The following CPED1 variants were observed in gnomAD, a reference collection of about 807,000 sequenced individuals.
The protein encoded by CPED1 is cadherin-like and PC-esterase domain-containing protein 1.
In CPED1, 114 loss-of-function variants were observed where a neutral mutation model predicts 128.2. The observed-to-expected ratio is 0.89, with a 90% CI of 0.76 to 1.04. The LOEUF (loss-of-function observed/expected upper bound fraction) is 1.04, where lower values mean the gene tolerates loss of function less well. Among genes scored for constraint, CPED1 ranks in the 50% least tolerant of loss-of-function variants. The pLI, the probability that CPED1 is intolerant of heterozygous loss-of-function variation, is 0.00. For synonymous variants in CPED1, 462 were observed against 426.7 expected (o/e 1.08, Z -1.02); for missense variants, 1,211 against 1,207.1 (o/e 1.00, Z -0.05).
chr7:121,089,810 A>G (rs1033716649), intron 5 of CPED1, among the ~76,000 whole-genome samples: 5 of 152,182 alleles, frequency 3.3e-5, no homozygotes, highest in Non-Finnish European at 7.3e-5. Flanking sequence ...ATGCTCATTA[A>G]TTTATACTAA....
At chr7:121,126,028 C>A in intron 9 of CPED1, 136 bp downstream of exon 9, 1 of 636,910 alleles carries the variant, frequency 1.6e-6, no homozygotes. Context: ...GGCTTATATT[C>A]ACTGTGGTTC....
rs1306909543 is a variant in CPED1, at chr7:121,098,812, AT to A, written c.749+982del. 7.3e-4 allele frequency among the ~76,000 whole-genome samples: 104 copies of A among 142,074 alleles called. 1 individual carries two copies. Among genetic ancestry groups the A allele is most frequent in the African/African-American group, 2.7e-3 (99 of 37,236 alleles). The allele number at this position is 142,074 out of a possible 152,430, so 93.2% of individuals were successfully genotyped here. On this transcript the variant is annotated intron_variant, in intron 6 of 22. Transcript: ENST00000310396. ...TATAAAAATATATATAAATATATAAATAATATATATATAAATATATATATAA... is the reference window on the plus strand; with the variant it reads ...TATAAAAATATATATAAATATATAAAAATATATATATAAATATATATATAA...
At chr7:121,036,280 G>A (rs1036447502) in intron 3 of CPED1, among the ~76,000 whole-genome samples, 4 of 151,904 alleles carry the variant, frequency 2.6e-5, no homozygotes, top group Non-Finnish European at 2.9e-5. Flanking sequence ...CCATCCCCCA[G>A]CCTTTTCCCC....
At chr7:121,072,054 A>C (rs1411515359) in intron 5 of CPED1, among the ~76,000 whole-genome samples, 3 of 152,072 alleles carry the variant, frequency 2.0e-5, no homozygotes, top group Admixed American at 6.6e-5. Context: ...TCATTTTTTA[A>C]ATCATAATTT....
chr7:121,197,272 C>T (rs773594234), intron 16 of CPED1, among the ~76,000 whole-genome samples: 2 of 152,024 alleles, frequency 1.3e-5, no homozygotes, highest in Non-Finnish European at 1.5e-5. Context: ...CTGCTTTACT[C>T]TATAAATGTT....
intron 16 of CPED1, among the ~76,000 whole-genome samples, chr7:121,157,041 A>G (rs933247232): frequency 1.1e-4 from 17 of 152,206 alleles, no homozygotes; most frequent in African/African-American, 4.1e-4. Context: ...ATTCAACTCA[A>G]TAGTAGGTTA....
intron 16 of CPED1, among the ~76,000 whole-genome samples, chr7:121,201,044 G>T (rs1424343834): frequency 1.3e-5 from 2 of 152,040 alleles, no homozygotes; most frequent in African/African-American, 4.8e-5. Context: ...AACATGTGTG[G>T]GTGTTTCTGC....
At chr7:121,093,787 C>G (rs908937480) in intron 5 of CPED1, among the ~76,000 whole-genome samples, 1 of 152,154 alleles carries the variant, frequency 6.6e-6, no homozygotes, top group East Asian at 1.9e-4. Flanking sequence ...CTTCTCCTTC[C>G]TGGGCTAAGA....
chr7:121,006,619 A>G (rs562239952), intron 2 of CPED1, among the ~76,000 whole-genome samples: 7 of 148,124 alleles, frequency 4.7e-5, no homozygotes, highest in South Asian at 2.1e-4. Context: ...TCAAAAAAGG[A>G]AAAAAAAAAG....
intron 16 of CPED1, among the ~76,000 whole-genome samples, chr7:121,191,446 C>G (rs1237151788): frequency 1.3e-5 from 2 of 152,054 alleles, no homozygotes; most frequent in East Asian, 3.9e-4. Flanking sequence ...GCTAGGGAGG[C>G]CTTTGAATTG....
At chr7:121,261,521 A>G (rs1792016199) in intron 18 of CPED1, 12 of 1,443,658 alleles carry the variant, frequency 8.3e-6, no homozygotes, top group Admixed American at 8.0e-5. Flanking sequence ...GACATTAGGT[A>G]TTTGGCCATG....
At chr7:121,007,518 A>G (rs1463992279) in intron 2 of CPED1, among the ~76,000 whole-genome samples, 3 of 152,170 alleles carry the variant, frequency 2.0e-5, no homozygotes, top group Non-Finnish European at 4.4e-5. Flanking sequence ...TCAGATGTGA[A>G]CTAAGGCAAC....
chr7:121,172,477 T>C (rs1234171730), intron 16 of CPED1, among the ~76,000 whole-genome samples: 1 of 152,038 alleles, frequency 6.6e-6, no homozygotes, highest in Admixed American at 6.6e-5. Flanking sequence ...AGATTATAGA[T>C]TGCTGCTTTC....
chr7:121,028,373 A>G (rs972550292), intron 3 of CPED1, among the ~76,000 whole-genome samples: 1 of 152,202 alleles, frequency 6.6e-6, no homozygotes, highest in African/African-American at 2.4e-5. Flanking sequence ...TTAGTAGCCA[A>G]ACAATTCCTC....
intron 22 of CPED1, among the ~76,000 whole-genome samples, chr7:121,294,845 A>G (rs1792789164): frequency 6.6e-6 from 1 of 151,898 alleles, no homozygotes; most frequent in Non-Finnish European, 1.5e-5. Flanking sequence ...ATCTACATAT[A>G]TATCTCCAAA....
chr7:121,288,322 A>G (rs1449867576), intron 22 of CPED1, among the ~76,000 whole-genome samples: 2 of 152,222 alleles, frequency 1.3e-5, no homozygotes, highest in African/African-American at 4.8e-5. Flanking sequence ...AAGTGAATTA[A>G]GTGTTGTTGG....
intron 16 of CPED1, among the ~76,000 whole-genome samples, chr7:121,199,692 A>AGAAAGAAAG (rs1190838592): frequency 2.4e-5 from 3 of 127,440 alleles, no homozygotes; most frequent in East Asian, 4.7e-4. Context: ...AAAAAAAAAA[A>AGAAAGAAAG]AAAAAAAAGA....
chr7:121,052,082 T>G (rs1007206323), intron 4 of CPED1: 1 of 152,378 alleles, frequency 6.6e-6, no homozygotes, highest in Admixed American at 6.5e-5. Flanking sequence ...GTATGCTGTT[T>G]CAGACCATTA....
At chr7:121,096,831 A>T (rs186480845) in intron 5 of CPED1, among the ~76,000 whole-genome samples, 69 of 152,276 alleles carry the variant, frequency 4.5e-4, no homozygotes, top group African/African-American at 1.5e-3. Context: ...TAAGCCAGAC[A>T]TATATTATTA....
Sources: gnomAD v4.1 joint callset for allele counts (sites outside exome capture counted in the v4.1 genomes callset) on GRCh38, gnomAD v4.1.1 for gene constraint, MANE v1.5 for transcripts, NCBI Gene and HGNC (gene_info 2026-07-23, HGNC 2026-07-21) for gene names.